Variants in APBB2 observed in about 807,000 individuals in gnomAD.
APBB2 encodes Fe65-like 1.
A neutral mutation model predicts 82.5 loss-of-function variants in APBB2; 38 were observed. The observed-to-expected ratio is 0.46, with a 90% confidence interval of 0.36 to 0.60. The LOEUF is 0.60. Among genes scored for constraint, APBB2 ranks in the 20% least tolerant of loss-of-function variants. The probability of loss-of-function intolerance (pLI) is 0.00; values close to 1 mark genes in which losing one functional copy is unlikely to be tolerated. For synonymous variants in APBB2, 341 were observed against 368.2 expected (o/e 0.93, Z 0.85); for missense variants, 772 against 972.3 (o/e 0.79, Z 2.74).
chr4:40,982,221 G>GAAAAGAAAGAAAAGAAAGAAAA (rs766666523), intron 6 of APBB2, among the ~76,000 whole-genome samples: 3 of 12,906 alleles, frequency 2.3e-4, no homozygotes, highest in African/African-American at 9.9e-4. Flanking sequence ...AGAAAAGAAA[G>GAAAAGAAAGAAAAGAAAGAAAA]GAAAGAAAGA....
intron 6 of APBB2, among the ~76,000 whole-genome samples, chr4:40,964,643 T>G (rs1028787385): frequency 6.6e-6 from 1 of 151,738 alleles, no homozygotes; most frequent in Non-Finnish European, 1.5e-5. Context: ...ATGTGTTGGA[T>G]TCACAGAATG....
chr4:41,050,873 C>CA (rs1725680601), intron 4 of APBB2, among the ~76,000 whole-genome samples: 1 of 152,162 alleles, frequency 6.6e-6, no homozygotes, highest in African/African-American at 2.4e-5. Flanking sequence ...CTCAGCCCTT[C>CA]AGCTGGGACC....
At chr4:40,929,150 C>T (rs1397958413) in intron 10 of APBB2, among the ~76,000 whole-genome samples, 1 of 151,632 alleles carries the variant, frequency 6.6e-6, no homozygotes, top group Non-Finnish European at 1.5e-5. Flanking sequence ...GAACTCTGTA[C>T]TATCTTTGTA....
At chr4:41,038,399 CCTT>C (rs1459228925) in intron 4 of APBB2, among the ~76,000 whole-genome samples, 1 of 152,148 alleles carries the variant, frequency 6.6e-6, no homozygotes, top group African/African-American at 2.4e-5. Context: ...ACCAATTCCT[CCTT>C]CTCAATGTGC....
chr4:40,835,623 T>G (rs539123948), intron 12 of APBB2, among the ~76,000 whole-genome samples: 1 of 152,358 alleles, frequency 6.6e-6, no homozygotes, highest in East Asian at 1.9e-4. Context: ...TGCGGGAGTC[T>G]GTACTCAGTT....
Position 41,166,221 on chromosome 4 carries a change from G to A in APBB2, c.-416-23079C>T, listed in dbSNP as rs540310317. On this transcript the variant is annotated intron_variant, in intron 1 of 17. Coordinates refer to ENST00000508593, the MANE Select transcript of APBB2 (RefSeq NM_004307.2). Reference sequence around the variant, plus strand: ...GAAGCAAGAAGCCTGTAGTTCTTCCGCTAAGCTAGCTTTGGAATAAAAAGT... The same window carrying A: ...GAAGCAAGAAGCCTGTAGTTCTTCCACTAAGCTAGCTTTGGAATAAAAAGT... Among the ~76,000 whole-genome samples the A allele has an allele frequency of 1.2e-3, 177 of 152,030 alleles. 5 individuals carry two copies. In the South Asian group the frequency reaches 0.034, roughly 30 times the overall value.
intron 10 of APBB2, among the ~76,000 whole-genome samples, chr4:40,912,612 A>G (rs1778863494): frequency 6.6e-6 from 1 of 151,738 alleles, no homozygotes; most frequent in Non-Finnish European, 1.5e-5. Context: ...CAGTTATTGC[A>G]AAAGTATCTC....
At chr4:41,024,560 G>A (rs1361677719) in intron 5 of APBB2, among the ~76,000 whole-genome samples, 1 of 152,220 alleles carries the variant, frequency 6.6e-6, no homozygotes. Flanking sequence ...GGCAAAGCCT[G>A]GACCCAGGTG....
chr4:40,948,560 A>AGACCACACTGGTCAGCATGGT (rs1171617390), intron 6 of APBB2, among the ~76,000 whole-genome samples: 3 of 151,990 alleles, frequency 2.0e-5, no homozygotes, highest in African/African-American at 7.3e-5. Flanking sequence ...CAGGAGTTCA[A>AGACCACACTGGTCAGCATGGT]GACCACACTG....
intron 12 of APBB2, among the ~76,000 whole-genome samples, chr4:40,855,155 G>A (rs984352340): frequency 2.0e-5 from 3 of 152,204 alleles, no homozygotes; most frequent in African/African-American, 4.8e-5. Context: ...GCCATCAGCA[G>A]CAGTATCTTC....
chr4:40,820,788 C>T (rs547049882), intron 17 of APBB2, among the ~76,000 whole-genome samples: 1 of 152,196 alleles, frequency 6.6e-6, no homozygotes, highest in African/African-American at 2.4e-5. Flanking sequence ...TGGACCGCAC[C>T]TCCTTCCACT....
At chr4:41,144,418 G>A (rs556515294) in intron 1 of APBB2, among the ~76,000 whole-genome samples, 1 of 152,258 alleles carries the variant, frequency 6.6e-6, no homozygotes, top group South Asian at 2.1e-4. Flanking sequence ...CAGCACTTTT[G>A]GGTTATGGAA....
intron 10 of APBB2, among the ~76,000 whole-genome samples, chr4:40,916,644 A>G (rs1353042066): frequency 6.6e-6 from 1 of 152,182 alleles, no homozygotes; most frequent in African/African-American, 2.4e-5. Flanking sequence ...GTACGTGGCC[A>G]CCAGGAAAGA....
At chr4:41,102,026 A>G (rs1047968959) in intron 2 of APBB2, among the ~76,000 whole-genome samples, 1 of 152,178 alleles carries the variant, frequency 6.6e-6, no homozygotes, top group Admixed American at 6.5e-5. Context: ...ATGGATTCTA[A>G]GGCAATAAAA....
chr4:40,895,029 G>A (rs1773285551), intron 10 of APBB2, among the ~76,000 whole-genome samples: 1 of 152,202 alleles, frequency 6.6e-6, no homozygotes, highest in African/African-American at 2.4e-5. Flanking sequence ...AGCTTGTAAA[G>A]TTTCCAAATG....
intron 6 of APBB2, among the ~76,000 whole-genome samples, chr4:40,967,149 AC>A (rs1794865286): frequency 6.6e-6 from 1 of 152,140 alleles, no homozygotes; most frequent in African/African-American, 2.4e-5. Flanking sequence ...TGGGCAGACA[AC>A]AGGATGACCT....
At chr4:41,191,961 G>T (rs1369664574) in intron 1 of APBB2, among the ~76,000 whole-genome samples, 1 of 152,012 alleles carries the variant, frequency 6.6e-6, no homozygotes, top group African/African-American at 2.4e-5. Flanking sequence ...GATAAAAAAT[G>T]AATAAGTCAC....
At chr4:40,857,998 C>G (rs996762348) in intron 12 of APBB2, among the ~76,000 whole-genome samples, 3 of 152,142 alleles carry the variant, frequency 2.0e-5, no homozygotes, top group African/African-American at 4.8e-5. Flanking sequence ...AAGCACTTAG[C>G]AGTACACCCC....
chr4:40,867,679 C>T (rs1210674878), intron 12 of APBB2, among the ~76,000 whole-genome samples: 4 of 152,206 alleles, frequency 2.6e-5, no homozygotes, highest in Non-Finnish European at 5.9e-5. Flanking sequence ...ATATGGGGCT[C>T]CTGTTCTCTG....
Sources: gnomAD v4.1 joint callset for allele counts (sites outside exome capture counted in the v4.1 genomes callset) on GRCh38, gnomAD v4.1.1 for gene constraint, MANE v1.5 for transcripts, NCBI Gene and HGNC (gene_info 2026-07-23, HGNC 2026-07-21) for gene names.